IRAK3: variants seen among roughly 807,000 people sequenced by gnomAD.
IRAK3 encodes interleukin 1 receptor associated kinase 3, also known as interleukin-1 receptor-associated kinase 3.
IRAK3 carries 57 observed loss-of-function variants against 56.6 expected under a neutral mutation model. The observed-to-expected ratio is 1.01, with a 90% CI of 0.81 to 1.26. The LOEUF is 1.26. IRAK3 is among the 50% of genes most tolerant of loss of function. The pLI is 0.00. For missense variants in IRAK3, 703 were observed against 719.0 expected (o/e 0.98, Z 0.25); for synonymous variants, 258 against 255.7 (o/e 1.01, Z -0.09).
intron 8 of IRAK3, among the ~76,000 whole-genome samples, chr12:66,232,855 C>T (rs1487579163): frequency 2.0e-5 from 3 of 152,116 alleles, no homozygotes; most frequent in African/African-American, 7.2e-5. Flanking sequence ...AAACAGTGGC[C>T]TTTTCCCAGA....
chr12:66,191,160 A>G (rs1049948026), intron 1 of IRAK3, among the ~76,000 whole-genome samples: 43 of 152,182 alleles, frequency 2.8e-4, no homozygotes, highest in Non-Finnish European at 1.5e-4. Context: ...GGCTGTTGAT[A>G]TGGGGAAGCT....
chr12:66,253,571 A>C lies in IRAK3; in HGVS notation c.*5400A>C, dbSNP rs1464979387. ...GAGACTCATTATGGATGTCATCTGC[A>C]TCATTGCAAACTTTTCTGGTCGTCT... On this transcript the variant is annotated 3_prime_UTR_variant, in exon 12 of 12. Coordinates refer to ENST00000261233, the MANE Select transcript of IRAK3 (RefSeq NM_007199.3). 6.6e-6 allele frequency: 1 copy of C among 152,250 alleles called. No individual in the cohort carries two copies. The allele number at this position is 152,250 out of a possible 1,614,324, so 9.4% of individuals were successfully genotyped here.
intron 4 of IRAK3, 46 bp from the exon 5 acceptor site, chr12:66,211,400 T>A (rs1181439097): frequency 3.5e-6 from 5 of 1,416,988 alleles, no homozygotes; most frequent in Admixed American, 1.7e-5. Context: ...ATAATGGTGA[T>A]GTTCCTTCTT....
chr12:66,229,803 T>G (rs2052825616), intron 8 of IRAK3, among the ~76,000 whole-genome samples: 1 of 152,236 alleles, frequency 6.6e-6, no homozygotes, highest in African/African-American at 2.4e-5. Flanking sequence ...CAACCAACAC[T>G]GAGCACACTA....
chr12:66,222,847 G>A (rs375629600), intron 6 of IRAK3, among the ~76,000 whole-genome samples: 4 of 151,968 alleles, frequency 2.6e-5, no homozygotes, highest in Admixed American at 2.0e-4. Flanking sequence ...AATTTCACTC[G>A]CGTCTGTGTG....
chr12:66,208,684 C>G (rs1220997924), intron 2 of IRAK3, among the ~76,000 whole-genome samples: 1 of 150,068 alleles, frequency 6.7e-6, no homozygotes, highest in African/African-American at 2.5e-5. Flanking sequence ...TCACTTGAAC[C>G]CAGGAGGCGG....
intron 1 of IRAK3, chr12:66,197,921 A>G (rs1195376057): frequency 1.0e-6 from 1 of 985,262 alleles, no homozygotes; most frequent in African/African-American, 1.7e-5. Flanking sequence ...ATCAAAAAAA[A>G]AACAAACAGA....
At chr12:66,229,092 C>T (rs1006193595) in intron 8 of IRAK3, among the ~76,000 whole-genome samples, 4 of 152,090 alleles carry the variant, frequency 2.6e-5, no homozygotes, top group African/African-American at 9.7e-5. Flanking sequence ...AATGGGGATT[C>T]CTAGCAAGCT....
intron 5 of IRAK3, among the ~76,000 whole-genome samples, chr12:66,214,539 AAAAACAAAAC>A (rs71096078): frequency 6.8e-6 from 1 of 147,882 alleles, no homozygotes; most frequent in African/African-American, 2.5e-5. Flanking sequence ...AGACCCTATC[AAAAACAAAAC>A]AAAACAAAAC....
At chr12:66,246,336 G>A (rs567942882) in intron 11 of IRAK3, among the ~76,000 whole-genome samples, 248 of 152,284 alleles carry the variant, frequency 1.6e-3, no homozygotes, top group African/African-American at 5.9e-3. Flanking sequence ...GGGAAAGCCT[G>A]GAGTGGTTAA....
chr12:66,203,955 C>T (rs2052533972), intron 2 of IRAK3, 62 bp downstream of exon 2: 11 of 1,372,974 alleles, frequency 8.0e-6, no homozygotes, highest in South Asian at 4.6e-5. Context: ...TTTGTAAATT[C>T]GAATATTGCA....
At chr12:66,195,282 C>T (rs1258224313) in intron 1 of IRAK3, among the ~76,000 whole-genome samples, 1 of 152,216 alleles carries the variant, frequency 6.6e-6, no homozygotes, top group Non-Finnish European at 1.5e-5. Flanking sequence ...ACCATCTTGG[C>T]ACCAACCACC....
At chr12:66,234,830 T>C (rs2052885733) in intron 8 of IRAK3, 1 of 1,605,472 alleles carries the variant, frequency 6.2e-7, no homozygotes, top group East Asian at 2.2e-5. Context: ...TTCTAGTTCT[T>C]GCTTATCCAT....
chr12:66,210,489 A>G (rs932185032), intron 4 of IRAK3, among the ~76,000 whole-genome samples: 1 of 152,184 alleles, frequency 6.6e-6, no homozygotes, highest in East Asian at 1.9e-4. Flanking sequence ...TTTGTGTGTC[A>G]TGGGAAAACA....
At chr12:66,222,717 A>T (rs985345667) in intron 6 of IRAK3, among the ~76,000 whole-genome samples, 8 of 152,170 alleles carry the variant, frequency 5.3e-5, no homozygotes, top group Non-Finnish European at 1.0e-4. Flanking sequence ...AATATTTTAT[A>T]ATTCCTATTA....
intron 8 of IRAK3, among the ~76,000 whole-genome samples, chr12:66,238,418 A>G (rs1479147092): frequency 6.6e-6 from 1 of 152,222 alleles, no homozygotes; most frequent in Non-Finnish European, 1.5e-5. Context: ...TACAGAGATT[A>G]GTGACTGGCC....
chr12:66,242,853 C>T (rs562039378), intron 8 of IRAK3, among the ~76,000 whole-genome samples: 2 of 152,292 alleles, frequency 1.3e-5, no homozygotes, highest in East Asian at 1.9e-4. Flanking sequence ...GCGGGTGGAT[C>T]ACCTGAAGTC....
intron 8 of IRAK3, among the ~76,000 whole-genome samples, chr12:66,228,797 A>T (rs1404268201): frequency 6.6e-6 from 1 of 152,186 alleles, no homozygotes; most frequent in East Asian, 1.9e-4. Context: ...TGCATGAGGT[A>T]GTCAACACTT....
chr12:66,190,641 T>C (rs923377792), intron 1 of IRAK3, among the ~76,000 whole-genome samples: 9 of 152,238 alleles, frequency 5.9e-5, no homozygotes, highest in African/African-American at 2.2e-4. Context: ...TTTCTGTTGA[T>C]AGCATTGAAA....
Sources: allele counts gnomAD v4.1 joint callset (sites outside exome capture counted in the v4.1 genomes callset), GRCh38; gene constraint gnomAD v4.1.1; transcripts MANE v1.5; gene names NCBI Gene and HGNC (gene_info 2026-07-23, HGNC 2026-07-21).